Variants in ARHGAP23 observed in about 807,000 individuals in gnomAD.
ARHGAP23 encodes the protein Rho GTPase activating protein 23, also known as rho GTPase-activating protein 23.
ARHGAP23 carries 34 observed loss-of-function variants against 136.3 expected under a neutral mutation model. That is an observed-to-expected ratio of 0.25 (90% confidence interval 0.19 to 0.33). The LOEUF is 0.33. ARHGAP23 is among the 10% of genes least tolerant of loss of function. The pLI, the probability that ARHGAP23 is intolerant of heterozygous loss-of-function variation, is 1.00. For missense variants in ARHGAP23, 1,808 were observed against 2,139.0 expected, an observed-to-expected ratio of 0.85 and a Z score of 3.05; for synonymous variants, 832 against 920.5, an observed-to-expected ratio of 0.90 and a Z score of 1.74.
Position 38,464,526 on chromosome 17 carries a change from T to G in ARHGAP23, c.483+1144T>G, listed in dbSNP as rs9908281. 2.0e-3 allele frequency among the ~76,000 whole-genome samples: 306 copies of G among 152,326 alleles called. 1 individual carries two copies. The highest frequency in any genetic ancestry group is 7.0e-3 in the African/African-American group (290 of 41,590). On this transcript the variant is annotated intron_variant, in intron 6 of 23. Coordinates refer to ENST00000622683, the MANE Select transcript of ARHGAP23 (RefSeq NM_001199417.2). Reference sequence around the variant, plus strand: ...CAGTGCCATGCCTGGCATGATGCCCTTCTGGAAACCTCCACCCCTGACCTC... The same window carrying G: ...CAGTGCCATGCCTGGCATGATGCCCGTCTGGAAACCTCCACCCCTGACCTC...
intron 23 of ARHGAP23, among the ~76,000 whole-genome samples, chr17:38,506,659 G>A (rs1006302644): frequency 5.9e-5 from 9 of 152,188 alleles, no homozygotes; most frequent in Admixed American, 2.0e-4. Flanking sequence ...GAGAGCGCAA[G>A]AGAGCCCAAG....
At chr17:38,423,172 T>C (rs1483763526) in intron 1 of ARHGAP23, among the ~76,000 whole-genome samples, 1 of 152,154 alleles carries the variant, frequency 6.6e-6, no homozygotes, top group Non-Finnish European at 1.5e-5. Context: ...ACACAGCAGT[T>C]TGCATGTACT....
intron 1 of ARHGAP23, among the ~76,000 whole-genome samples, chr17:38,437,034 G>A (rs945109122): frequency 2.0e-5 from 3 of 152,132 alleles, no homozygotes; most frequent in Admixed American, 6.5e-5. Flanking sequence ...ATTTTCAAGT[G>A]CCGTCATAAA....
intron 7 of ARHGAP23, among the ~76,000 whole-genome samples, chr17:38,467,819 A>G (rs1458527306): frequency 1.3e-5 from 2 of 150,532 alleles, no homozygotes; most frequent in Non-Finnish European, 3.0e-5. Flanking sequence ...TCTTCCTTCC[A>G]TTCTCCCATT....
At chr17:38,420,976 G>T (rs919976113) in intron 1 of ARHGAP23, among the ~76,000 whole-genome samples, 1 of 152,154 alleles carries the variant, frequency 6.6e-6, no homozygotes, top group Non-Finnish European at 1.5e-5. Flanking sequence ...CCTGTCTAGA[G>T]AATCCTAAAT....
chr17:38,473,983 C>T (rs763800151), intron 11 of ARHGAP23, among the ~76,000 whole-genome samples: 9 of 152,032 alleles, frequency 5.9e-5, no homozygotes, highest in African/African-American at 1.2e-4. Flanking sequence ...TACAGTGGTA[C>T]GATCTCAGCT....
chr17:38,511,534 G>C lies in ARHGAP23; in HGVS notation c.*562G>C, dbSNP rs2040765728. ...CTTCTGTCCCCCTATCCCCACCCTGGTCCCCACTTTGCGCCCCCGGGCTCC... is the reference window on the plus strand; with the variant it reads ...CTTCTGTCCCCCTATCCCCACCCTGCTCCCCACTTTGCGCCCCCGGGCTCC... On this transcript the variant is annotated 3_prime_UTR_variant, in exon 24 of 24. Transcript: ENST00000622683. 6.6e-6 allele frequency: 1 copy of C among 152,332 alleles called. No homozygotes were observed. The highest frequency in any genetic ancestry group is 6.6e-5 in the Admixed American group (1 of 15,266). The allele number at this position is 152,332 out of a possible 1,614,324, so 9.4% of individuals were successfully genotyped here.
rs76546822 is a variant in ARHGAP23, at chr17:38,460,766, C to T, written c.226-139C>T. On this transcript the variant is annotated intron_variant, in intron 2 of 23. Transcript: ENST00000622683. ...CTTGGTGCCCCTCGGACACCCCTCCCGCACCCTCCCCTGCTGGGCTACTTG... is the reference window on the plus strand; with the variant it reads ...CTTGGTGCCCCTCGGACACCCCTCCTGCACCCTCCCCTGCTGGGCTACTTG... 3.0e-3 allele frequency: 4,544 copies of T among 1,517,354 alleles called. 96 individuals are homozygous for T. In the African/African-American group the frequency reaches 0.051, roughly 17 times the overall value. 94.0% of individuals were successfully genotyped at this position (1,517,354 alleles called of 1,614,324 possible).
At chr17:38,500,832 A>G in intron 23 of ARHGAP23, 5 of 612,854 alleles carry the variant, frequency 8.2e-6, no homozygotes, top group Non-Finnish European at 1.5e-5. Flanking sequence ...CTGCTGTAGT[A>G]GAAGGACCTG....
At chr17:38,454,631 G>A (rs929972485) in intron 1 of ARHGAP23, among the ~76,000 whole-genome samples, 5 of 152,176 alleles carry the variant, frequency 3.3e-5, no homozygotes, top group Non-Finnish European at 5.9e-5. Context: ...GGCCCCTGCA[G>A]GTAGTGAGTG....
chr17:38,502,365 G>A (rs533065532), intron 23 of ARHGAP23, among the ~76,000 whole-genome samples: 1 of 152,368 alleles, frequency 6.6e-6, no homozygotes, highest in East Asian at 1.9e-4. Context: ...TATGAGGCCA[G>A]CATTACCCTG....
intron 11 of ARHGAP23, among the ~76,000 whole-genome samples, chr17:38,473,347 C>G (rs116279514): frequency 0.02 from 3,084 of 152,182 alleles, 96 homozygotes; most frequent in African/African-American, 0.07. Context: ...ACTTTGAGTT[C>G]CTATCCGGCC....
chr17:38,424,450 C>G (rs1020920638), upstream of ARHGAP23, among the ~76,000 whole-genome samples: 1 of 152,186 alleles, frequency 6.6e-6, no homozygotes, highest in Non-Finnish European at 1.5e-5. Context: ...CCCACACCCA[C>G]TGGCCCCCGA....
At chr17:38,480,419 G>A (rs539845046) in intron 14 of ARHGAP23, among the ~76,000 whole-genome samples, 4 of 152,128 alleles carry the variant, frequency 2.6e-5, no homozygotes, top group Non-Finnish European at 5.9e-5. Context: ...GGATCACGAG[G>A]TCAGGAGATC....
At chr17:38,441,323 G>T (rs1453442614) in intron 1 of ARHGAP23, among the ~76,000 whole-genome samples, 1 of 152,242 alleles carries the variant, frequency 6.6e-6, no homozygotes, top group Non-Finnish European at 1.5e-5. Context: ...ATAGCTCAGG[G>T]CTGGCGTACT....
At chr17:38,505,199 G>T (rs1314822741) in intron 23 of ARHGAP23, among the ~76,000 whole-genome samples, 1 of 151,230 alleles carries the variant, frequency 6.6e-6, no homozygotes, top group Non-Finnish European at 1.5e-5. Context: ...GTAGAAATGG[G>T]GTCTTGCTTC....
At chr17:38,500,724 TG>T in intron 23 of ARHGAP23, 96 bp downstream of exon 23, 2 of 1,166,756 alleles carry the variant, frequency 1.7e-6, no homozygotes, top group African/African-American at 1.5e-5. Flanking sequence ...AGTTGGACCA[TG>T]GGGAAAGTTG....
Position 38,512,048 on chromosome 17 carries a change from G to C in ARHGAP23, c.*1076G>C, listed in dbSNP as rs2040774971. 6.6e-6 allele frequency: 1 copy of C among 152,250 alleles called. No individual in the cohort carries two copies. 9.4% of individuals were successfully genotyped at this position (152,250 alleles called of 1,614,324 possible). ...CACTCATTCCAGGGAAGCCCAGGTA[G>C]GTGGTGAACCCGCTGCCACGTCTAT... On this transcript the variant is annotated 3_prime_UTR_variant, in exon 24 of 24. Coordinates refer to ENST00000622683, the MANE Select transcript of ARHGAP23 (RefSeq NM_001199417.2).
At chr17:38,466,050 C>G in intron 6 of ARHGAP23, 117 bp from the exon 7 acceptor site, 1 of 789,796 alleles carries the variant, frequency 1.3e-6, no homozygotes, top group South Asian at 2.4e-5. Context: ...GTTCCCCCCA[C>G]CGCTTGGTCC....
Sources: allele counts gnomAD v4.1 joint callset (sites outside exome capture counted in the v4.1 genomes callset), GRCh38; gene constraint gnomAD v4.1.1; transcripts MANE v1.5; gene names NCBI Gene and HGNC (gene_info 2026-07-23, HGNC 2026-07-21).